The following STKLD1 variants were observed in gnomAD, a reference collection of about 807,000 sequenced individuals.
The protein encoded by STKLD1 is serine/threonine kinase-like domain-containing protein STKLD1.
A neutral mutation model predicts 80.4 loss-of-function variants in STKLD1; 79 were observed. The ratio of observed to expected loss-of-function variants is 0.98; its 90% CI spans 0.82 to 1.19. The LOEUF is 1.19. STKLD1 is among the 50% of genes most tolerant of loss of function. The probability of loss-of-function intolerance (pLI) is 0.00; values close to 1 mark genes in which losing one functional copy is unlikely to be tolerated. For synonymous variants in STKLD1, 393 were observed against 357.6 expected, an observed-to-expected ratio of 1.10 and a Z score of -1.12; for missense variants, 841 against 856.0, an observed-to-expected ratio of 0.98 and a Z score of 0.22.
At chr9:133,380,784 T>A (rs1838110087) in intron 2 of STKLD1, among the ~76,000 whole-genome samples, 1 of 152,164 alleles carries the variant, frequency 6.6e-6, no homozygotes, top group South Asian at 2.1e-4. Context: ...GTTTGTAAAC[T>A]TTTTTGGATT....
Position 133,384,205 on chromosome 9 carries a change from G to A in STKLD1, c.219+305G>A, listed in dbSNP as rs1018281691. 1.6e-5 allele frequency: 5 copies of A among 310,436 alleles called. No homozygotes were observed. The highest frequency in any genetic ancestry group is 3.1e-5 in the Non-Finnish European group (5 of 162,696). The allele number at this position is 310,436 out of a possible 1,614,324, so 19.2% of individuals were successfully genotyped here. A position where few individuals can be genotyped will look rare whatever the true frequency, so the allele number is the denominator to read the frequency against. On this transcript the variant is annotated intron_variant, in intron 3 of 17. Transcript: ENST00000371957. The surrounding 1 kb of genome is among the most constrained non-coding windows in gnomAD (Gnocchi z 4.3). ...TGTAATCCCACCACTTTGGGAGGCC[G>A]AGGCGGGTGGATCACTTGAGGTCAG...
Position 133,385,233 on chromosome 9 carries a change from G to A in STKLD1, c.220-384G>A, listed in dbSNP as rs2130274074. ...CTTTCCGCCAGGGCAGGGGCACCGG[G>A]ACCTCTCCGTGTGCCCACCTCCCGG... On this transcript the variant is annotated intron_variant, in intron 3 of 17. Transcript: ENST00000371957. This position sits in a 1 kb window ranked among gnomAD's most constrained non-coding sequence, Gnocchi z 4.9. Among the ~76,000 whole-genome samples, 2 of 152,194 alleles carry A rather than the reference G, an allele frequency of 1.3e-5. No homozygotes were observed. Among genetic ancestry groups the A allele is most frequent in the Non-Finnish European group, 2.9e-5 (2 of 68,028 alleles).
chr9:133,376,656 G>A, intron 1 of STKLD1, 96 bp downstream of exon 1: 1 of 1,144,562 alleles, frequency 8.7e-7, no homozygotes, highest in Non-Finnish European at 1.2e-6. Context: ...GGCGGCGAGG[G>A]GCCCGCGCCC....
At chr9:133,377,231 A>G (rs1007329270) in intron 1 of STKLD1, among the ~76,000 whole-genome samples, 1 of 152,196 alleles carries the variant, frequency 6.6e-6, no homozygotes, top group Non-Finnish European at 1.5e-5. Flanking sequence ...TTAAAAAAAA[A>G]TAGACGTTTC....
chr9:133,396,051 A>G (rs1838555423), intron 9 of STKLD1: 1 of 244,068 alleles, frequency 4.1e-6, no homozygotes, highest in Non-Finnish European at 7.8e-6. Flanking sequence ...AAAAGTTTTC[A>G]TTCTACATAA....
intron 17 of STKLD1, 138 bp downstream of exon 17, chr9:133,405,067 T>A: frequency 7.3e-7 from 1 of 1,378,914 alleles, no homozygotes; most frequent in African/African-American, 1.5e-5. Context: ...TTCCCACTCA[T>A]TTGGCATCTT....
rs1044388357 is a variant in STKLD1, at chr9:133,384,947, C to A, written c.220-670C>A. Reference sequence around the variant, plus strand: ...TGGAATTGCTGGCTCTGGAGCTTGGCCAGCAAACATTATTGGGTGTATAGT... The same window carrying A: ...TGGAATTGCTGGCTCTGGAGCTTGGACAGCAAACATTATTGGGTGTATAGT... On this transcript the variant is annotated intron_variant, in intron 3 of 17. Coordinates refer to ENST00000371957, the MANE Select transcript of STKLD1 (RefSeq NM_153710.5). The surrounding 1 kb of genome is among the most constrained non-coding windows in gnomAD (Gnocchi z 4.3). 1.3e-5 allele frequency among the ~76,000 whole-genome samples: 2 copies of A among 152,150 alleles called. No homozygotes were observed. The highest frequency in any genetic ancestry group is 4.8e-5 in the African/African-American group (2 of 41,426).
At chr9:133,403,395 C>G (rs1428688352) in intron 14 of STKLD1, among the ~76,000 whole-genome samples, 3 of 152,136 alleles carry the variant, frequency 2.0e-5, no homozygotes, top group African/African-American at 4.8e-5. Context: ...AGTAGGGGGC[C>G]CCCTGGCCTG....
chr9:133,394,450 C>A lies in STKLD1; in HGVS notation c.702+41C>A. On this transcript the variant is annotated intron_variant, in intron 8 of 17. Coordinates refer to ENST00000371957, the MANE Select transcript of STKLD1 (RefSeq NM_153710.5). The surrounding 1 kb of genome is among the most constrained non-coding windows in gnomAD (Gnocchi z 4.9). The stretch of plus-strand genomic sequence containing the variant: ...TCCCCCACACCCCACATGCTGTTCC[C>A]CACGCGCCCAGGCCTGGGGAAAAGG... 1 of 1,450,390 alleles carries A rather than the reference C, an allele frequency of 6.9e-7. No homozygotes were observed. The highest frequency in any genetic ancestry group is 9.7e-7 in the Non-Finnish European group (1 of 1,031,930). The allele number at this position is 1,450,390 out of a possible 1,614,324, so 89.8% of individuals were successfully genotyped here.
Position 133,389,614 on chromosome 9 carries a change from C to G in STKLD1, c.467+18C>G. The G allele has an allele frequency of 6.2e-7, 1 of 1,613,268 alleles. No homozygotes were observed. The highest frequency in any genetic ancestry group is 1.3e-5 in the African/African-American group (1 of 75,050). On this transcript the variant is annotated intron_variant, in intron 6 of 17. Transcript: ENST00000371957. The surrounding 1 kb of genome is among the most constrained non-coding windows in gnomAD (Gnocchi z 6.4). ...ATCCACAGGTAAGTGGGGCCCCTGA[C>G]CTCTGCGGACTGGCTGGCTGCTTCG...
At chr9:133,405,212 G>T in intron 17 of STKLD1, 40 bp from the exon 18 acceptor site, 1 of 1,556,422 alleles carries the variant, frequency 6.4e-7, no homozygotes, top group African/African-American at 1.4e-5. Flanking sequence ...AGGGGCACAG[G>T]AAGGACTCTG....
At chr9:133,391,285 T>C (rs1001534794) in intron 7 of STKLD1, among the ~76,000 whole-genome samples, 15 of 145,760 alleles carry the variant, frequency 1.0e-4, no homozygotes, top group African/African-American at 4.0e-4. Flanking sequence ...GGGAGGGAGG[T>C]GAGGGGCGCC....
In STKLD1 at chr9:133,400,877, G is replaced by C. The variant is rs587695674; in HGVS notation, c.1198+348G>C. Among the ~76,000 whole-genome samples the C allele has an allele frequency of 3.9e-5, 6 of 152,358 alleles. No homozygotes were observed. The East Asian group carries it at 1.2e-3, about 29-fold the overall frequency. On this transcript the variant is annotated intron_variant, in intron 12 of 17. Transcript: ENST00000371957. ...CCCAGGCCTGCCTTTTGCCTGCTCC[G>C]TGGCCCTGGACAAGTTCCTGATGAT...
rs1438170342 is a variant in STKLD1 at position 133,404,041 on chromosome 9, G to A, written c.1725G>A (p.Lys575=). Residue 575 remains lysine, a synonymous_variant, in exon 16 of 18, where the codon AAG becomes AAA. Coordinates refer to ENST00000371957, the MANE Select transcript of STKLD1 (RefSeq NM_153710.5). ...NAYRGLASLV[K]VSELAAFKVV... is the part of the protein sequence containing the mutation. ...ACCGGGGACTGGCCAGCCTGGTGAA[G>A]GTGTCAGGTGAGCCTGGGGACAGGA... 11 of 1,603,082 alleles carry A rather than the reference G, an allele frequency of 6.9e-6. No homozygotes were observed. Among genetic ancestry groups the A allele is most frequent in the Non-Finnish European group, 9.4e-6 (11 of 1,174,988 alleles).
At chr9:133,400,198 C>G (rs1358195172) in intron 11 of STKLD1, among the ~76,000 whole-genome samples, 1 of 152,216 alleles carries the variant, frequency 6.6e-6, no homozygotes, top group Non-Finnish European at 1.5e-5. Flanking sequence ...TGGGAGGGGC[C>G]ACTTCACAGG....
intron 5 of STKLD1, chr9:133,388,707 G>A: frequency 1.0e-6 from 1 of 977,114 alleles, no homozygotes; most frequent in Non-Finnish European, 1.2e-6. Context: ...TGGAAGCTTG[G>A]TTATTTTTGC....
At chr9:133,395,327 C>T (rs1055416115) in intron 8 of STKLD1, among the ~76,000 whole-genome samples, 4 of 152,140 alleles carry the variant, frequency 2.6e-5, no homozygotes, top group Non-Finnish European at 5.9e-5. Context: ...GTGAAATGGG[C>T]ATGCTGTCTT....
chr9:133,394,729 G>C lies in STKLD1; in HGVS notation c.702+320G>C. On this transcript the variant is annotated intron_variant, in intron 8 of 17. Transcript: ENST00000371957. The surrounding 1 kb of genome is among the most constrained non-coding windows in gnomAD (Gnocchi z 4.9). ...CAAGTTCAGGTGCCCTTGTGAGCAT[G>C]AAGGCTGCACGGAGTTGCAAGCAAC... 1 of 351,752 alleles carries C rather than the reference G, an allele frequency of 2.8e-6. No homozygotes were observed. The highest frequency in any genetic ancestry group is 3.7e-5 in the South Asian group (1 of 26,722). 21.8% of individuals were successfully genotyped at this position (351,752 alleles called of 1,614,324 possible).
intron 1 of STKLD1, among the ~76,000 whole-genome samples, chr9:133,378,243 A>G (rs1838048976): frequency 1.3e-5 from 2 of 152,048 alleles, no homozygotes; most frequent in Non-Finnish European, 2.9e-5. Flanking sequence ...GACTCCTAAG[A>G]CTTTTATGGG....
Sources: gnomAD v4.1 joint callset for allele counts (sites outside exome capture counted in the v4.1 genomes callset) on GRCh38, gnomAD v4.1.1 for gene constraint, Gnocchi (gnomAD v3.1) non-coding constraint, MANE v1.5 for transcripts, NCBI Gene and HGNC (gene_info 2026-07-23, HGNC 2026-07-21) for gene names.